Variants in ZFYVE28 observed in about 807,000 individuals in gnomAD.
ZFYVE28 encodes the protein zinc finger FYVE-type containing 28.
Under a neutral mutation model 82.1 loss-of-function variants are expected in ZFYVE28, and 40 were observed. That is an observed-to-expected ratio of 0.49 (90% CI 0.38 to 0.63). The LOEUF is 0.63. Ranked by LOEUF, ZFYVE28 falls within the 30% of genes least tolerant of loss-of-function variation. ZFYVE28 has a pLI of 0.00. For synonymous variants in ZFYVE28, 612 were observed against 546.1 expected (o/e 1.12, Z -1.68); for missense variants, 1,321 against 1,242.1 (o/e 1.06, Z -0.96).
intron 7 of ZFYVE28, among the ~76,000 whole-genome samples, chr4:2,311,473 C>G (rs777447791): frequency 1.3e-5 from 2 of 152,106 alleles, no homozygotes; most frequent in Non-Finnish European, 2.9e-5. Context: ...CTGCAGTGAG[C>G]CGAGATCGCA....
chr4:2,411,229 C>G (rs6838415), intron 1 of ZFYVE28, among the ~76,000 whole-genome samples: 1 of 149,534 alleles, frequency 6.7e-6, no homozygotes, highest in African/African-American at 2.4e-5. Context: ...GGGGCCCCCC[C>G]ACTTGATGTG....
intron 2 of ZFYVE28, among the ~76,000 whole-genome samples, chr4:2,346,338 T>C (rs1723583784): frequency 7.9e-6 from 1 of 126,418 alleles, no homozygotes; most frequent in African/African-American, 3.4e-5. Flanking sequence ...CGAGACTCCA[T>C]CTCAAAAAAA....
At chr4:2,395,808 G>A (rs1461619153) in intron 1 of ZFYVE28, among the ~76,000 whole-genome samples, 1 of 152,196 alleles carries the variant, frequency 6.6e-6, no homozygotes, top group Admixed American at 6.5e-5. Flanking sequence ...TAGCAGGAGG[G>A]AGGCTCACAG....
chr4:2,334,181 C>T (rs1045942714), intron 6 of ZFYVE28, among the ~76,000 whole-genome samples: 4 of 152,136 alleles, frequency 2.6e-5, no homozygotes, highest in South Asian at 2.1e-4. Context: ...ACGGGAAGGA[C>T]GGCGCAGGAA....
chr4:2,327,344 C>T (rs1720043496), intron 6 of ZFYVE28, among the ~76,000 whole-genome samples: 1 of 138,154 alleles, frequency 7.2e-6, no homozygotes, highest in Non-Finnish European at 1.5e-5. Flanking sequence ...AACAATTACA[C>T]TTCTTTTCCT....
intron 7 of ZFYVE28, among the ~76,000 whole-genome samples, chr4:2,319,858 G>A (rs1456399891): frequency 6.6e-6 from 1 of 151,720 alleles, no homozygotes; most frequent in African/African-American, 2.4e-5. Flanking sequence ...TGGGGATGGT[G>A]GGGACAATGG....
At chr4:2,330,611 T>C (rs1451537877) in intron 6 of ZFYVE28, 7 of 1,310,590 alleles carry the variant, frequency 5.3e-6, no homozygotes, top group Non-Finnish European at 6.8e-6. Context: ...GGGAACAGCA[T>C]AGACAAGGGG....
chr4:2,339,317 C>T lies in ZFYVE28; in HGVS notation c.521+136G>A. ...ATGCTCTCCAGGGCTTAACCCCACC[C>T]ACAGGCGGCCCTGAACCTGCCTGGC... On this transcript the variant is annotated intron_variant, in intron 4 of 12. Transcript: ENST00000290974. This position sits in a 1 kb window ranked among gnomAD's most constrained non-coding sequence, Gnocchi z 5.0. 2 of 958,640 alleles carry T rather than the reference C, an allele frequency of 2.1e-6. No individual in the cohort carries two copies. The highest frequency in any genetic ancestry group is 3.1e-6 in the Non-Finnish European group (2 of 639,110). The allele number at this position is 958,640 out of a possible 1,614,324, so 59.4% of individuals were successfully genotyped here.
At chr4:2,342,071 C>G (rs894927791) in intron 2 of ZFYVE28, among the ~76,000 whole-genome samples, 1 of 152,206 alleles carries the variant, frequency 6.6e-6, no homozygotes, top group Non-Finnish European at 1.5e-5. Context: ...GCAAAGCCCT[C>G]GTCTTCCCTG....
intron 8 of ZFYVE28, among the ~76,000 whole-genome samples, chr4:2,279,084 A>C (rs911823358): frequency 2.0e-5 from 3 of 152,344 alleles, no homozygotes; most frequent in Admixed American, 6.5e-5. Context: ...CAAAATGTCT[A>C]TCTATATAAT....
Position 2,341,643 on chromosome 4 carries a change from C to T in ZFYVE28, c.181-28G>A. 6.3e-7 allele frequency: 1 copy of T among 1,593,668 alleles called. No individual in the cohort carries two copies. The highest frequency in any genetic ancestry group is 8.6e-7 in the Non-Finnish European group (1 of 1,163,796). Reference sequence around the variant, plus strand: ...GAAACAGAAGACAGGAGAAAGTGCGCCAATCGCTGTGTCCAGCTGGCGGCC... The same window carrying T: ...GAAACAGAAGACAGGAGAAAGTGCGTCAATCGCTGTGTCCAGCTGGCGGCC... On this transcript the variant is annotated intron_variant, in intron 2 of 12. Transcript: ENST00000290974. This position sits in a 1 kb window ranked among gnomAD's most constrained non-coding sequence, Gnocchi z 4.5.
chr4:2,368,826 T>A (rs1314492869), intron 1 of ZFYVE28, among the ~76,000 whole-genome samples: 1 of 152,238 alleles, frequency 6.6e-6, no homozygotes, highest in Non-Finnish European at 1.5e-5. Flanking sequence ...GGTATATATC[T>A]AGAAGTGAAA....
At chr4:2,389,464 A>G (rs942800197) in intron 1 of ZFYVE28, among the ~76,000 whole-genome samples, 1 of 152,192 alleles carries the variant, frequency 6.6e-6, no homozygotes, top group Non-Finnish European at 1.5e-5. Context: ...CTAGAGCCCC[A>G]TGGTCTCCTA....
At chr4:2,346,161 T>C (rs554176237) in intron 2 of ZFYVE28, among the ~76,000 whole-genome samples, 775 of 76,410 alleles carry the variant, frequency 0.01, 5 homozygotes, top group South Asian at 0.017. Flanking sequence ...ACCCCGTCTC[T>C]ACTAAAAAAA....
chr4:2,282,663 C>T lies in ZFYVE28; in HGVS notation c.2052-8447G>A, dbSNP rs368036593. Among the ~76,000 whole-genome samples, 171 of 152,360 alleles carry T rather than the reference C, an allele frequency of 1.1e-3. 3 individuals carry two copies. Among genetic ancestry groups the T allele is most frequent in the African/African-American group, 6.3e-4 (26 of 41,582 alleles). On this transcript the variant is annotated intron_variant, in intron 8 of 12. Coordinates refer to ENST00000290974, the MANE Select transcript of ZFYVE28 (RefSeq NM_020972.3). ...TGAGTATGCAAACAGAAAGACAGGACTTTGCCACCTTGAACCTCTAGGAGT... is the reference window on the plus strand; with the variant it reads ...TGAGTATGCAAACAGAAAGACAGGATTTTGCCACCTTGAACCTCTAGGAGT...
intron 8 of ZFYVE28, among the ~76,000 whole-genome samples, chr4:2,296,472 C>T (rs981069515): frequency 6.6e-6 from 1 of 152,220 alleles, no homozygotes; most frequent in African/African-American, 2.4e-5. Context: ...ACAGTCATTA[C>T]ACCTAATCTG....
intron 7 of ZFYVE28, among the ~76,000 whole-genome samples, chr4:2,319,704 G>A (rs898959761): frequency 9.9e-5 from 15 of 151,490 alleles, no homozygotes; most frequent in African/African-American, 3.4e-4. Flanking sequence ...GTTTTAAAAG[G>A]GGGTCTCCCA....
chr4:2,360,097 T>C (rs1355258780), intron 1 of ZFYVE28, among the ~76,000 whole-genome samples: 3 of 152,072 alleles, frequency 2.0e-5, no homozygotes, highest in Admixed American at 6.5e-5. Context: ...CTAGGGGCCA[T>C]GGGCTCTGAC....
chr4:2,322,436 C>T (rs1160162680), intron 6 of ZFYVE28, among the ~76,000 whole-genome samples: 1 of 151,036 alleles, frequency 6.6e-6, no homozygotes, highest in Non-Finnish European at 1.5e-5. Context: ...CACTGGTGAG[C>T]CTGGCAGGCT....
Sources: gnomAD v4.1 joint callset for allele counts (sites outside exome capture counted in the v4.1 genomes callset) on GRCh38, gnomAD v4.1.1 for gene constraint, Gnocchi (gnomAD v3.1) non-coding constraint, MANE v1.5 for transcripts, NCBI Gene and HGNC (gene_info 2026-07-23, HGNC 2026-07-21) for gene names.